Variants in BRD4 observed in about 807,000 individuals in gnomAD.
BRD4 encodes the protein bromodomain-containing protein 4.
In BRD4, 16 loss-of-function variants were observed where a neutral mutation model predicts 142.1. The ratio of observed to expected loss-of-function variants is 0.11; its 90% CI spans 0.08 to 0.17. BRD4 has a LOEUF of 0.17. BRD4 is among the 10% of genes least tolerant of loss of function. The pLI, the probability that BRD4 is intolerant of heterozygous loss-of-function variation, is 1.00. For missense variants in BRD4, 1,424 were observed against 1,810.9 expected (o/e 0.79, Z 3.88); for synonymous variants, 833 against 707.5 (o/e 1.18, Z -2.82).
chr19:15,317,885 G>A (rs2048030093), intron 1 of BRD4, among the ~76,000 whole-genome samples: 1 of 152,192 alleles, frequency 6.6e-6, no homozygotes. Flanking sequence ...ACACGAAGGT[G>A]GTATTATTTC....
At chr19:15,311,299 A>C (rs577874778) in intron 1 of BRD4, among the ~76,000 whole-genome samples, 8 of 152,112 alleles carry the variant, frequency 5.3e-5, no homozygotes, top group South Asian at 2.1e-4. Flanking sequence ...CTCAAAAAAA[A>C]ACAAAAAAAC....
chr19:15,265,725 C>A lies in BRD4; in HGVS notation c.560-82G>T, dbSNP rs546892617. On this transcript the variant is annotated intron_variant, in intron 4 of 19. Coordinates refer to ENST00000679869, the MANE Select transcript of BRD4 (RefSeq NM_001379291.1). ...TGACCTCGTGGGGACATACACCACA[C>A]ACAGTGAACGCACATTCGCGTGTTG... 18 of 1,420,688 alleles carry A rather than the reference C, an allele frequency of 1.3e-5. No homozygotes were observed. In the Admixed American group the frequency reaches 3.0e-4, roughly 24 times the overall value. The allele number at this position is 1,420,688 out of a possible 1,614,324, so 88.0% of individuals were successfully genotyped here.
intron 1 of BRD4, among the ~76,000 whole-genome samples, chr19:15,306,628 C>T (rs1172745708): frequency 1.3e-5 from 2 of 152,054 alleles, no homozygotes; most frequent in Admixed American, 6.6e-5. Flanking sequence ...CATCTGAACA[C>T]TTTAAAGGCT....
rs1240682107 is a variant in BRD4, at chr19:15,257,124, G to A, written c.1391C>T (p.Pro464Leu). The A allele has an allele frequency of 6.2e-7, 1 of 1,608,936 alleles. No individual in the cohort carries two copies. The highest frequency in any genetic ancestry group is 1.3e-5 in the African/African-American group (1 of 74,986). The change falls in exon 8 of 20, where the codon CCA becomes CTA. Residue 464 changes from proline (P) to leucine (L), a missense_variant. By Grantham distance (98) the Pro-to-Leu change is moderately conservative (BLOSUM62 -3). This residue lies in a region of BRD4 where 90 missense variants were observed against 93.2 expected (regional missense o/e 0.97). Coordinates refer to ENST00000679869, the MANE Select transcript of BRD4 (RefSeq NM_001379291.1). ...TGCCGGGGAGGACACGGCCACCACT[G>A]GCTCCTCAGGCTCGTCCGGCATCTT... ...FAKMPDEPEE[P>L]VVAVSSPAVP...
chr19:15,330,058 A>C (rs1449699693), intron 1 of BRD4, among the ~76,000 whole-genome samples: 2 of 152,214 alleles, frequency 1.3e-5, no homozygotes, highest in Non-Finnish European at 2.9e-5. Flanking sequence ...AGAACAGCCA[A>C]ACAATCCTTA....
intron 2 of BRD4, among the ~76,000 whole-genome samples, chr19:15,272,136 G>T (rs1385332857): frequency 6.6e-6 from 1 of 152,162 alleles, no homozygotes; most frequent in African/African-American, 2.4e-5. Context: ...AGGTTTGCTT[G>T]CAGAACAGTT....
At position 15,244,215 on chromosome 19, in the gene BRD4, G is replaced by A. The variant is rs2145515238; in HGVS notation, c.2581+16C>T. 3 of 1,546,892 alleles carry A rather than the reference G, an allele frequency of 1.9e-6. No individual in the cohort carries two copies. Among genetic ancestry groups the A allele is most frequent in the Non-Finnish European group, 2.6e-6 (3 of 1,149,616 alleles). On this transcript the variant is annotated intron_variant, in intron 13 of 19. Transcript: ENST00000679869. Reference sequence around the variant, plus strand: ...GGAAGGGGTCTCAACCCACACTGGGGCAGGCCACGGCTCACCTGGAGGAGA... The same window carrying A: ...GGAAGGGGTCTCAACCCACACTGGGACAGGCCACGGCTCACCTGGAGGAGA...
At chr19:15,317,971 A>C (rs184144478) in intron 1 of BRD4, among the ~76,000 whole-genome samples, 11 of 152,232 alleles carry the variant, frequency 7.2e-5, no homozygotes, top group African/African-American at 2.6e-4. Context: ...TACACACACA[A>C]CTCTATTACT....
chr19:15,297,196 C>CA (rs777898693), intron 1 of BRD4, among the ~76,000 whole-genome samples: 113 of 152,296 alleles, frequency 7.4e-4, no homozygotes, highest in Non-Finnish European at 1.3e-3. Context: ...TTACATTAGC[C>CA]CTCAGCTACA....
chr19:15,249,141 G>A, intron 11 of BRD4: 1 of 1,436,118 alleles, frequency 7.0e-7, no homozygotes, highest in Non-Finnish European at 9.6e-7. Flanking sequence ...CACCCCGGGG[G>A]ACAGGCCCAG....
At chr19:15,272,006 G>C (rs894206460) in intron 2 of BRD4, among the ~76,000 whole-genome samples, 1 of 140,742 alleles carries the variant, frequency 7.1e-6, no homozygotes, top group African/African-American at 2.9e-5. Context: ...CTTGCCAGGG[G>C]GTGTACAGGA....
At chr19:15,329,466 C>T (rs780943804) in intron 1 of BRD4, among the ~76,000 whole-genome samples, 3 of 152,132 alleles carry the variant, frequency 2.0e-5, no homozygotes, top group Non-Finnish European at 4.4e-5. Context: ...ACAGGCCGGG[C>T]GCAGTGGCTC....
At chr19:15,276,833 T>C (rs1455685592) in intron 1 of BRD4, among the ~76,000 whole-genome samples, 1 of 152,116 alleles carries the variant, frequency 6.6e-6, no homozygotes, top group African/African-American at 2.4e-5. Context: ...CCCGAGTGAT[T>C]AGGCAATACA....
rs201308953 is a variant in BRD4, at chr19:15,265,559, G to A, written c.644C>T (p.Pro215Leu). The change falls in exon 5 of 20, where the codon CCT (proline) becomes CTT (leucine). Residue 215 changes from proline to leucine, a missense_variant. By Grantham distance (98) the Pro-to-Leu change is moderately conservative. Coordinates refer to ENST00000679869, the MANE Select transcript of BRD4 (RefSeq NM_001379291.1). ...PPQTQTPQPNPPPVQATPHPF... is the reference protein window; with the variant it reads ...PPQTQTPQPNLPPVQATPHPF... Reference sequence around the variant, plus strand: ...GTGAGGCGTGGCCTGCACAGGAGGAGGATTCGGCTGAGGGGTCTGGGTCTG... The same window carrying A: ...GTGAGGCGTGGCCTGCACAGGAGGAAGATTCGGCTGAGGGGTCTGGGTCTG... 1.1e-5 allele frequency: 17 copies of A among 1,614,008 alleles called. No individual in the cohort carries two copies. Among genetic ancestry groups the A allele is most frequent in the African/African-American group, 1.3e-5 (1 of 74,892 alleles).
At chr19:15,323,580 A>G (rs1025241435) in intron 1 of BRD4, among the ~76,000 whole-genome samples, 8 of 152,194 alleles carry the variant, frequency 5.3e-5, no homozygotes, top group Non-Finnish European at 1.0e-4. Context: ...ATAGACATGT[A>G]TGTGTTACTG....
At chr19:15,247,208 A>T in intron 11 of BRD4, 1 of 217,228 alleles carries the variant, frequency 4.6e-6, no homozygotes, top group Non-Finnish European at 9.3e-6. Context: ...CCAGTGAAGG[A>T]GGTAATGGAG....
chr19:15,297,535 C>T (rs1168908648), intron 1 of BRD4, among the ~76,000 whole-genome samples: 1 of 152,194 alleles, frequency 6.6e-6, no homozygotes, highest in Non-Finnish European at 1.5e-5. Context: ...AAGCCTGACG[C>T]ACTTCCACAC....
chr19:15,253,588 T>C (rs1271769331), intron 11 of BRD4: 1 of 1,587,556 alleles, frequency 6.3e-7, no homozygotes, highest in Non-Finnish European at 8.5e-7. Context: ...ACGAGCACAC[T>C]CTGGGGAGGG....
chr19:15,249,356 G>C (rs2145539659), intron 11 of BRD4: 1 of 1,612,932 alleles, frequency 6.2e-7, no homozygotes, highest in Non-Finnish European at 8.5e-7. Flanking sequence ...TAAGTCACAA[G>C]AACAGAAGAA....
Sources: allele counts gnomAD v4.1 joint callset (sites outside exome capture counted in the v4.1 genomes callset), GRCh38; gene constraint gnomAD v4.1.1; regional missense constraint gnomAD v4.1.1; transcripts MANE v1.5; gene names NCBI Gene and HGNC (gene_info 2026-07-23, HGNC 2026-07-21).